SPINK8: variants seen among roughly 807,000 people sequenced by gnomAD.
SPINK8 encodes the protein serine peptidase inhibitor Kazal type 8 (putative).
Under a neutral mutation model 14.4 loss-of-function variants are expected in SPINK8, and 12 were observed. That is an observed-to-expected ratio of 0.83 (90% CI 0.53 to 1.35). The LOEUF (loss-of-function observed/expected upper bound fraction) is 1.35, where lower values mean the gene tolerates loss of function less well. SPINK8 is among the 40% of genes most tolerant of loss of function. The pLI is 0.00. For missense variants in SPINK8, 103 were observed against 117.0 expected (o/e 0.88, Z 0.55); for synonymous variants, 32 against 37.6 (o/e 0.85, Z 0.55).
chr3:48,320,273 G>A (rs1281802297), intron 5 of SPINK8, among the ~76,000 whole-genome samples: 1 of 152,204 alleles, frequency 6.6e-6, no homozygotes, highest in Non-Finnish European at 1.5e-5. Flanking sequence ...TGAAGGGCCA[G>A]GCATGGCGGC....
intron 3 of SPINK8, among the ~76,000 whole-genome samples, chr3:48,328,576 C>G (rs1254934596): frequency 6.6e-6 from 1 of 152,008 alleles, no homozygotes; most frequent in Non-Finnish European, 1.5e-5. Flanking sequence ...TTAGAAGATG[C>G]CAGAAAAAGA....
intron 5 of SPINK8, among the ~76,000 whole-genome samples, chr3:48,320,752 T>C (rs1375963866): frequency 1.3e-5 from 2 of 152,150 alleles, no homozygotes; most frequent in African/African-American, 4.8e-5. Flanking sequence ...TACCTGAATT[T>C]GTGCCACGAC....
At chr3:48,320,109 G>C (rs1474179304) in intron 5 of SPINK8, among the ~76,000 whole-genome samples, 2 of 143,172 alleles carry the variant, frequency 1.4e-5, no homozygotes, top group Non-Finnish European at 3.1e-5. Context: ...CAGCCTGGGC[G>C]ACAGAGCAAG....
intron 4 of SPINK8, among the ~76,000 whole-genome samples, chr3:48,326,456 A>G (rs2107111009): frequency 6.6e-6 from 1 of 152,064 alleles, no homozygotes; most frequent in South Asian, 2.1e-4. Flanking sequence ...AAAATACAAA[A>G]ATTAGCTGGG....
At chr3:48,312,184 G>A (rs2035931606) in intron 6 of SPINK8, among the ~76,000 whole-genome samples, 1 of 151,514 alleles carries the variant, frequency 6.6e-6, no homozygotes, top group African/African-American at 2.4e-5. Flanking sequence ...CTGGTATTAG[G>A]ATATAAATAC....
At chr3:48,320,118 A>C (rs1020926494) in intron 5 of SPINK8, among the ~76,000 whole-genome samples, 1 of 151,054 alleles carries the variant, frequency 6.6e-6, no homozygotes, top group Non-Finnish European at 1.5e-5. Context: ...CGACAGAGCA[A>C]GACTCCGTCT....
chr3:48,315,098 T>C (rs950109841), intron 6 of SPINK8, among the ~76,000 whole-genome samples: 1 of 152,158 alleles, frequency 6.6e-6, no homozygotes, highest in African/African-American at 2.4e-5. Flanking sequence ...CATTAGCTGA[T>C]AATAAGATAA....
At position 48,321,023 on chromosome 3, in the gene SPINK8, A is replaced by C; in HGVS notation, c.117+2T>G. 1 of 1,589,042 alleles carries C rather than the reference A, an allele frequency of 6.3e-7. No individual in the cohort carries two copies. Among genetic ancestry groups the C allele is most frequent in the Non-Finnish European group, 8.6e-7 (1 of 1,166,540 alleles). ...ATTAGGAACCAAGGAAGCAGTACTC[A>C]CTATTGTTTTGTCTAGCTGACCTCT... On this transcript the variant is annotated splice_donor_variant, in intron 5 of 7. Transcript: ENST00000434006. LOFTEE classifies it high-confidence loss of function.
chr3:48,328,423 C>G (rs997378248), intron 3 of SPINK8, 69 bp from the exon 4 acceptor site: 1 of 1,111,996 alleles, frequency 9.0e-7, no homozygotes, highest in African/African-American at 1.6e-5. Context: ...ACAGAGATCC[C>G]TCACTGACCA....
chr3:48,326,847 G>T (rs1426511203), intron 4 of SPINK8, among the ~76,000 whole-genome samples: 1 of 151,818 alleles, frequency 6.6e-6, no homozygotes, highest in Non-Finnish European at 1.5e-5. Flanking sequence ...GGAGGTGGAG[G>T]TTGCAGTGAG....
intron 4 of SPINK8, among the ~76,000 whole-genome samples, chr3:48,321,592 C>G (rs1207460064): frequency 6.6e-6 from 1 of 151,396 alleles, no homozygotes; most frequent in Admixed American, 6.6e-5. Context: ...TAGAATTTTA[C>G]CAGATTTTTA....
intron 6 of SPINK8, among the ~76,000 whole-genome samples, chr3:48,318,470 A>T (rs940128313): frequency 2.0e-5 from 3 of 152,152 alleles, no homozygotes; most frequent in African/African-American, 7.2e-5. Flanking sequence ...ACTGAAAGGG[A>T]GCTCTTTAGA....
At chr3:48,324,257 G>T (rs1366434261) in intron 4 of SPINK8, among the ~76,000 whole-genome samples, 1 of 152,064 alleles carries the variant, frequency 6.6e-6, no homozygotes, top group Non-Finnish European at 1.5e-5. Flanking sequence ...TATTGTAAGT[G>T]AAATTGTTTT....
At chr3:48,324,368 G>GT (rs1275485765) in intron 4 of SPINK8, among the ~76,000 whole-genome samples, 1 of 152,102 alleles carries the variant, frequency 6.6e-6, no homozygotes, top group African/African-American at 2.4e-5. Flanking sequence ...AACACTAACA[G>GT]TTTTTAGAGT....
At chr3:48,322,997 A>G (rs2036095122) in intron 4 of SPINK8, among the ~76,000 whole-genome samples, 1 of 152,186 alleles carries the variant, frequency 6.6e-6, no homozygotes, top group Admixed American at 6.5e-5. Context: ...TTGCCAGGCT[A>G]TTTTCCAAAG....
At chr3:48,313,652 A>C (rs1305903580) in intron 6 of SPINK8, among the ~76,000 whole-genome samples, 1 of 152,214 alleles carries the variant, frequency 6.6e-6, no homozygotes, top group Non-Finnish European at 1.5e-5. Flanking sequence ...ACTCAAATAA[A>C]TACTTGTACA....
At chr3:48,321,496 A>AT (rs1414101650) in intron 4 of SPINK8, among the ~76,000 whole-genome samples, 1 of 150,926 alleles carries the variant, frequency 6.6e-6, no homozygotes, top group African/African-American at 2.4e-5. Context: ...TTATAATCAC[A>AT]TGATATAATT....
chr3:48,318,958 C>G (rs2036031744), intron 6 of SPINK8, among the ~76,000 whole-genome samples: 1 of 152,198 alleles, frequency 6.6e-6, no homozygotes, highest in African/African-American at 2.4e-5. Flanking sequence ...TCCCCTTGGG[C>G]TAAACAATTG....
chr3:48,307,681 T>G (rs1037202331), intron 7 of SPINK8, among the ~76,000 whole-genome samples: 1 of 152,138 alleles, frequency 6.6e-6, no homozygotes, highest in Non-Finnish European at 1.5e-5. Flanking sequence ...CTCATATATA[T>G]GAGTACATAT....
Sources: gnomAD v4.1 joint callset for allele counts (sites outside exome capture counted in the v4.1 genomes callset) on GRCh38, gnomAD v4.1.1 for gene constraint, MANE v1.5 for transcripts, NCBI Gene and HGNC (gene_info 2026-07-23, HGNC 2026-07-21) for gene names.